Variants in KIF20B observed in about 807,000 individuals in gnomAD.
The protein encoded by KIF20B is kinesin family member 20B.
In KIF20B, 188 loss-of-function variants were observed where a neutral mutation model predicts 232.5. The observed-to-expected ratio is 0.81, with a 90% CI of 0.72 to 0.91. KIF20B has a LOEUF of 0.91. Ranked by LOEUF, KIF20B falls within the 40% of genes least tolerant of loss-of-function variation. The pLI is 0.00. For missense variants in KIF20B, 2,154 were observed against 2,055.9 expected (o/e 1.05, Z -0.92); for synonymous variants, 712 against 683.0 (o/e 1.04, Z -0.66).
chr10:89,760,433 T>C (rs2133164963), intron 27 of KIF20B, 93 bp from the exon 28 acceptor site: 1 of 772,360 alleles, frequency 1.3e-6, no homozygotes, highest in Non-Finnish European at 2.2e-6. Flanking sequence ...TTTAGTTTCA[T>C]ACAAATCTTG....
intron 26 of KIF20B, among the ~76,000 whole-genome samples, chr10:89,758,443 A>G (rs1344243220): frequency 1.3e-5 from 2 of 152,086 alleles, no homozygotes; most frequent in Admixed American, 6.6e-5. Flanking sequence ...TTTGAAAGCT[A>G]TAGCTGTAAT....
chr10:89,772,868 G>T, intron 32 of KIF20B, 37 bp downstream of exon 32: 1 of 1,519,804 alleles, frequency 6.6e-7, no homozygotes. Context: ...ATGTAGAACT[G>T]TTCGTGTTCT....
At chr10:89,714,642 C>T (rs1842901549) in intron 7 of KIF20B, among the ~76,000 whole-genome samples, 1 of 152,066 alleles carries the variant, frequency 6.6e-6, no homozygotes, top group Admixed American at 6.5e-5. Context: ...TTAAATATTA[C>T]AGATATCCCT....
Position 89,719,671 on chromosome 10 carries a change from G to A in KIF20B, c.1687G>A (p.Glu563Lys), listed in dbSNP as rs1482633345. The A allele has an allele frequency of 1.2e-6, 2 of 1,609,162 alleles. No homozygotes were observed. The highest frequency in any genetic ancestry group is 3.4e-5 in the Admixed American group (2 of 59,032). ...LDEDLDKTLE[E>K]NKAFISHEEK... ...TGAAGATCTAGATAAAACATTAGAG[G>A]AAAATAAGGCTTTCATTAGCCACGA... The change falls in exon 13 of 33, where the codon GAA becomes AAA. Residue 563 changes from glutamate to lysine, a missense_variant. Coordinates refer to ENST00000371728, the MANE Select transcript of KIF20B (RefSeq NM_001284259.2).
chr10:89,713,973 AG>A (rs2133090219), intron 6 of KIF20B, 73 bp from the exon 7 acceptor site: 1 of 610,518 alleles, frequency 1.6e-6, no homozygotes, highest in East Asian at 3.4e-5. Context: ...TTATTTGGAT[AG>A]GTAATTAATA....
chr10:89,738,967 G>C lies in KIF20B; in HGVS notation c.3786G>C (p.Glu1262Asp), dbSNP rs756556741. The change falls in exon 21 of 33, where the codon GAG becomes GAC. Residue 1262 changes from glutamate to aspartate, a missense_variant. Coordinates refer to ENST00000371728, the MANE Select transcript of KIF20B (RefSeq NM_001284259.2). ...TNRQETEKLK[E>D]ELSASSARTQ... ...GGTTTATGTTTTTTAGATTGAAAGA[G>C]GAACTCTCTGCAAGCTCTGCTCGTA... The C allele has an allele frequency of 6.2e-7, 1 of 1,610,986 alleles. No homozygotes were observed. The highest frequency in any genetic ancestry group is 1.1e-5 in the South Asian group (1 of 90,476).
chr10:89,758,607 G>A (rs779157416), intron 26 of KIF20B, 99 bp from the exon 27 acceptor site: 12 of 697,512 alleles, frequency 1.7e-5, no homozygotes, highest in Non-Finnish European at 2.6e-5. Flanking sequence ...AATCTTGTTT[G>A]CAGCTATATT....
At chr10:89,747,538 A>G (rs899303897) in intron 23 of KIF20B, among the ~76,000 whole-genome samples, 14 of 150,394 alleles carry the variant, frequency 9.3e-5, no homozygotes, top group Non-Finnish European at 1.8e-4. Flanking sequence ...CATATACACC[A>G]TGGAATACTA....
At chr10:89,729,611 C>A (rs1374949673) in intron 18 of KIF20B, among the ~76,000 whole-genome samples, 1 of 152,156 alleles carries the variant, frequency 6.6e-6, no homozygotes, top group Non-Finnish European at 1.5e-5. Flanking sequence ...GGAACTATAA[C>A]ATGAAATTCA....
In KIF20B at chr10:89,768,407, T is replaced by A; in HGVS notation, c.5091+16T>A. ...GGAACAAAAGGTGTGTCTTTTAATT[T>A]GTCCAAAATTGTAGCAATTATCCAG... On this transcript the variant is annotated intron_variant, in intron 30 of 32. Coordinates refer to ENST00000371728, the MANE Select transcript of KIF20B (RefSeq NM_001284259.2). The A allele has an allele frequency of 7.2e-7, 1 of 1,395,418 alleles. No individual in the cohort carries two copies. Among genetic ancestry groups the A allele is most frequent in the South Asian group, 1.2e-5 (1 of 80,914 alleles). The allele number at this position is 1,395,418 out of a possible 1,614,324, so 86.4% of individuals were successfully genotyped here.
chr10:89,747,437 G>A (rs959672594), intron 23 of KIF20B, among the ~76,000 whole-genome samples: 1 of 152,028 alleles, frequency 6.6e-6, no homozygotes, highest in African/African-American at 2.4e-5. Context: ...ACATGCACAT[G>A]TATGTTTATA....
chr10:89,742,682 TAAG>T (rs1172096725), intron 21 of KIF20B, among the ~76,000 whole-genome samples: 5 of 149,370 alleles, frequency 3.3e-5, no homozygotes, highest in African/African-American at 9.9e-5. Context: ...GCTACTATAA[TAAG>T]GGCATCTTCA....
chr10:89,721,429 T>C (rs550200096), intron 13 of KIF20B, among the ~76,000 whole-genome samples: 5 of 152,152 alleles, frequency 3.3e-5, no homozygotes, highest in Non-Finnish European at 7.4e-5. Flanking sequence ...TCGAGCACTT[T>C]GGGAAGCTGA....
intron 8 of KIF20B, among the ~76,000 whole-genome samples, chr10:89,715,882 T>C (rs1043043987): frequency 4.9e-5 from 7 of 144,198 alleles, no homozygotes; most frequent in Non-Finnish European, 1.1e-4. Flanking sequence ...TCCCAGCTAC[T>C]CAGGAGGCTG....
intron 19 of KIF20B, 89 bp from the exon 20 acceptor site, chr10:89,737,298 G>GT: frequency 1.6e-6 from 2 of 1,231,524 alleles, no homozygotes; most frequent in Non-Finnish European, 2.1e-6. Flanking sequence ...ACTTTTACAT[G>GT]TTTTGTATGT....
In KIF20B at chr10:89,772,326, A is replaced by G. The variant is rs554246021; in HGVS notation, c.5243-363A>G. Among the ~76,000 whole-genome samples the G allele has an allele frequency of 5.7e-4, 86 of 152,062 alleles. No individual in the cohort carries two copies. The South Asian group carries it at 0.017, about 30-fold the overall frequency. On this transcript the variant is annotated intron_variant, in intron 31 of 32. Transcript: ENST00000371728. ...TGAGCATTGAACTAGATCATCTACC[A>G]CCTTATTTTTAATGCTGCATGATCC...
chr10:89,755,634 C>T (rs1413785940), intron 26 of KIF20B, among the ~76,000 whole-genome samples: 1 of 151,954 alleles, frequency 6.6e-6, no homozygotes, highest in Non-Finnish European at 1.5e-5. Context: ...TGTTCTGTCA[C>T]CCAGGCTGGA....
intron 8 of KIF20B, 111 bp from the exon 9 acceptor site, chr10:89,716,325 A>G: frequency 1.8e-6 from 1 of 565,472 alleles, no homozygotes; most frequent in Non-Finnish European, 3.1e-6. Flanking sequence ...ATGTGTTGTT[A>G]GAAGAAAGAT....
intron 29 of KIF20B, chr10:89,766,498 C>T (rs1842363732): frequency 1.3e-5 from 2 of 152,260 alleles, no homozygotes; most frequent in Non-Finnish European, 2.9e-5. Context: ...TCTGATGGAG[C>T]TGAAAGCCAA....
Sources: gnomAD v4.1 joint callset for allele counts (sites outside exome capture counted in the v4.1 genomes callset) on GRCh38, gnomAD v4.1.1 for gene constraint, MANE v1.5 for transcripts, NCBI Gene and HGNC (gene_info 2026-07-23, HGNC 2026-07-21) for gene names.